The following PRKN variants were observed in gnomAD, a reference collection of about 807,000 sequenced individuals.
The protein encoded by PRKN is E3 ubiquitin-protein ligase parkin.
In PRKN, 56 loss-of-function variants were observed where a neutral mutation model predicts 59.5. The observed-to-expected ratio is 0.94, with a 90% CI of 0.76 to 1.18. PRKN has a LOEUF of 1.18. Among genes scored for constraint, PRKN ranks in the 50% most tolerant of loss-of-function variants. The pLI, the probability that PRKN is intolerant of heterozygous loss-of-function variation, is 0.00. For missense variants in PRKN, 657 were observed against 596.4 expected (o/e 1.10, Z -1.06); for synonymous variants, 250 against 222.1 (o/e 1.13, Z -1.12).
rs1040802854 is a variant in PRKN, at chr6:161,788,042, C to T, written c.735-2134G>A. Among the ~76,000 whole-genome samples, 5 of 152,326 alleles carry T rather than the reference C, an allele frequency of 3.3e-5. No homozygotes were observed. The East Asian group carries it at 9.7e-4, about 29-fold the overall frequency. ...AGCCCACGAACTCCCGCCACAGTGGCCCAGAAAGCCATGGCTGCGTGGTAT... is the reference window on the plus strand; with the variant it reads ...AGCCCACGAACTCCCGCCACAGTGGTCCAGAAAGCCATGGCTGCGTGGTAT... On this transcript the variant is annotated intron_variant, in intron 6 of 11. Coordinates refer to ENST00000366898, the MANE Select transcript of PRKN (RefSeq NM_004562.3).
intron 1 of PRKN, among the ~76,000 whole-genome samples, chr6:162,623,772 A>T (rs959370861): frequency 1.3e-5 from 2 of 152,156 alleles, no homozygotes; most frequent in Non-Finnish European, 2.9e-5. Flanking sequence ...GATTTTAAAA[A>T]TTTTGGTAGA....
chr6:161,708,461 GAAAAAA>G (rs67537331), intron 7 of PRKN, among the ~76,000 whole-genome samples: 1 of 124,728 alleles, frequency 8.0e-6, no homozygotes, highest in Admixed American at 7.6e-5. Context: ...GTTGATTTCA[GAAAAAA>G]AAAAAAAAAA....
At chr6:161,817,355 G>A (rs1278215473) in intron 6 of PRKN, among the ~76,000 whole-genome samples, 1 of 152,154 alleles carries the variant, frequency 6.6e-6, no homozygotes, top group East Asian at 1.9e-4. Context: ...AGTAAACAGG[G>A]CCACGTGGGT....
chr6:161,479,573 T>C (rs576046557), intron 9 of PRKN, among the ~76,000 whole-genome samples: 334 of 152,352 alleles, frequency 2.2e-3, no homozygotes, highest in Non-Finnish European at 3.6e-3. Flanking sequence ...GATTTAATCC[T>C]GACGCTGCAA....
chr6:161,845,864 G>C (rs1793177302), intron 6 of PRKN, among the ~76,000 whole-genome samples: 1 of 152,134 alleles, frequency 6.6e-6, no homozygotes, highest in Non-Finnish European at 1.5e-5. Context: ...CATCAACCTG[G>C]TGAAGGCTTG....
intron 3 of PRKN, among the ~76,000 whole-genome samples, chr6:162,232,568 G>A (rs1407071263): frequency 2.6e-5 from 4 of 152,254 alleles, no homozygotes; most frequent in African/African-American, 9.6e-5. Flanking sequence ...TGGAGCAGCC[G>A]CTTGGTATGA....
At chr6:162,381,691 T>C (rs1786491949) in intron 2 of PRKN, among the ~76,000 whole-genome samples, 1 of 152,202 alleles carries the variant, frequency 6.6e-6, no homozygotes, top group Non-Finnish European at 1.5e-5. Context: ...AATGCCTCAG[T>C]TAAAAATGAT....
At chr6:162,345,417 A>G (rs749755228) in intron 2 of PRKN, among the ~76,000 whole-genome samples, 14 of 152,218 alleles carry the variant, frequency 9.2e-5, no homozygotes, top group Non-Finnish European at 1.9e-4. Context: ...TAATGAGTCA[A>G]CCTGCTGATT....
chr6:162,287,858 C>T (rs546844963), intron 2 of PRKN, among the ~76,000 whole-genome samples: 1 of 152,228 alleles, frequency 6.6e-6, no homozygotes, highest in East Asian at 1.9e-4. Flanking sequence ...TAAGTGGGGG[C>T]AACCCATGCC....
chr6:161,437,016 G>A (rs777722641), intron 9 of PRKN, among the ~76,000 whole-genome samples: 8 of 152,114 alleles, frequency 5.3e-5, no homozygotes, highest in Non-Finnish European at 1.0e-4. Flanking sequence ...AGGGGGATAC[G>A]TTCCCAGACC....
Position 161,445,498 on chromosome 6 carries a change from G to A in PRKN, c.1084-58621C>T, listed in dbSNP as rs967072436. 6.6e-6 allele frequency among the ~76,000 whole-genome samples: 1 copy of A among 152,210 alleles called. No homozygotes were observed. The highest frequency in any genetic ancestry group is 1.5e-5 in the Non-Finnish European group (1 of 68,034). On this transcript the variant is annotated intron_variant, in intron 9 of 11. Transcript: ENST00000366898. The surrounding 1 kb of genome is among the most constrained non-coding windows in gnomAD (Gnocchi z 7.7). ...TAAGGGAAGACTGTCCTTTCTCCAA[G>A]CTTGAAGGAAGATGACTGTGACTCT...
chr6:162,638,365 A>G (rs1327012462), intron 1 of PRKN, among the ~76,000 whole-genome samples: 1 of 152,136 alleles, frequency 6.6e-6, no homozygotes, highest in Admixed American at 6.5e-5. Flanking sequence ...CCGGTTTGAA[A>G]GCTTATCACC....
At chr6:161,519,567 G>A (rs916404489) in intron 9 of PRKN, among the ~76,000 whole-genome samples, 1 of 152,194 alleles carries the variant, frequency 6.6e-6, no homozygotes, top group Non-Finnish European at 1.5e-5. Context: ...GTGGGCTGGA[G>A]ATCAGGAATA....
intron 1 of PRKN, among the ~76,000 whole-genome samples, chr6:162,563,540 A>C (rs1199928009): frequency 6.6e-6 from 1 of 152,192 alleles, no homozygotes; most frequent in Non-Finnish European, 1.5e-5. Context: ...CTTTCTGAGA[A>C]AGATGGCTAC....
At chr6:161,846,458 A>G (rs1793201780) in intron 6 of PRKN, among the ~76,000 whole-genome samples, 1 of 152,146 alleles carries the variant, frequency 6.6e-6, no homozygotes. Flanking sequence ...CATTCAACGC[A>G]TATTTATTGA....
chr6:162,191,104 A>G (rs372649620), intron 4 of PRKN, among the ~76,000 whole-genome samples: 3 of 152,366 alleles, frequency 2.0e-5, no homozygotes, highest in East Asian at 3.9e-4. Context: ...GTTTCCACGC[A>G]GGAAAGAAAC....
intron 2 of PRKN, among the ~76,000 whole-genome samples, chr6:162,307,094 A>G (rs1462775354): frequency 2.0e-5 from 3 of 152,162 alleles, no homozygotes; most frequent in Admixed American, 2.0e-4. Context: ...TGGATCTGAA[A>G]CAGCAACAAC....
intron 9 of PRKN, among the ~76,000 whole-genome samples, chr6:161,524,431 G>A (rs1031763863): frequency 5.3e-5 from 8 of 151,972 alleles, no homozygotes; most frequent in African/African-American, 1.7e-4. Flanking sequence ...CTGTAGTCTC[G>A]AACTCCTGGG....
intron 1 of PRKN, among the ~76,000 whole-genome samples, chr6:162,587,991 C>T (rs1024284109): frequency 6.7e-6 from 1 of 149,076 alleles, no homozygotes; most frequent in Non-Finnish European, 1.5e-5. Context: ...CATAACCATA[C>T]TTGAACTAAG....
Sources: gnomAD v4.1 joint callset for allele counts (sites outside exome capture counted in the v4.1 genomes callset) on GRCh38, gnomAD v4.1.1 for gene constraint, Gnocchi (gnomAD v3.1) non-coding constraint, MANE v1.5 for transcripts, NCBI Gene and HGNC (gene_info 2026-07-23, HGNC 2026-07-21) for gene names.